The following SRPK2 variants were observed in gnomAD, a reference collection of about 807,000 sequenced individuals.
SRPK2 encodes SFRS protein kinase 2.
Under a neutral mutation model 90.8 loss-of-function variants are expected in SRPK2, and 21 were observed. The ratio of observed to expected loss-of-function variants is 0.23; its 90% confidence interval spans 0.16 to 0.33. The LOEUF is 0.33. SRPK2 is among the 10% of genes least tolerant of loss of function. SRPK2 has a pLI of 1.00. For missense variants in SRPK2, 620 were observed against 869.0 expected (o/e 0.71, Z 3.60); for synonymous variants, 288 against 311.1 (o/e 0.93, Z 0.78).
chr7:105,182,091 C>T (rs913909300), intron 3 of SRPK2, among the ~76,000 whole-genome samples: 32 of 151,382 alleles, frequency 2.1e-4, no homozygotes, highest in Admixed American at 9.9e-4. Context: ...ATTAGCCAAG[C>T]GTGGTGGCAG....
In SRPK2 at chr7:105,187,449, A is replaced by G. The variant is rs140735740; in HGVS notation, c.229+16179T>C. Among the ~76,000 whole-genome samples the G allele has an allele frequency of 7.1e-3, 1,074 of 152,292 alleles. 9 individuals carry two copies. The highest frequency in any genetic ancestry group is 0.017 in the Middle Eastern group (5 of 294). The stretch of plus-strand genomic sequence containing the variant: ...CCGAATAATCTGCTATGCTTTGCTA[A>G]TATATCCTCACCTTGACATCTGCCT... On this transcript the variant is annotated intron_variant, in intron 3 of 15. Coordinates refer to ENST00000393651, the MANE Select transcript of SRPK2 (RefSeq NM_182692.3).
intron 6 of SRPK2, among the ~76,000 whole-genome samples, chr7:105,163,318 C>A (rs973569303): frequency 6.6e-6 from 1 of 152,050 alleles, no homozygotes; most frequent in Admixed American, 6.5e-5. Context: ...TAACAAACAT[C>A]AAATTTATGA....
chr7:105,133,006 C>T lies in SRPK2; in HGVS notation c.1642G>A (p.Val548Met), dbSNP rs185057577. ...TTTAGAAAGAAAACTCTACTTACCA[C>T]CCAACAAGCATTTCCCAGGTCAGCA... is the stretch of plus-strand genomic sequence containing the variant. Reference protein sequence around the residue: ...KIADLGNACWVHKHFTEDIQT... With the variant: ...KIADLGNACWMHKHFTEDIQT... Residue 548 changes from valine (V) to methionine (M), a missense_variant and splice_region_variant, in exon 12 of 16, where the codon GTG becomes ATG. This residue lies in a region of SRPK2 where 20 missense variants were observed against 54.3 expected (regional missense o/e 0.37). Transcript: ENST00000393651. The T allele has an allele frequency of 4.3e-6, 7 of 1,614,066 alleles. No homozygotes were observed. The African/African-American group carries it at 9.3e-5, about 22-fold the overall frequency.
At chr7:105,289,282 TAAATAAAAAAA>T (rs1455915368) in intron 2 of SRPK2, among the ~76,000 whole-genome samples, 1 of 150,274 alleles carries the variant, frequency 6.7e-6, no homozygotes. Flanking sequence ...TCAAAAAAAA[TAAATAAAAAAA>T]AAATAAAAAA....
intron 11 of SRPK2, among the ~76,000 whole-genome samples, chr7:105,139,746 T>C (rs1484787132): frequency 6.6e-6 from 1 of 152,226 alleles, no homozygotes; most frequent in African/African-American, 2.4e-5. Context: ...ACCTTTGCCA[T>C]TGACCTGTTT....
At chr7:105,395,678 C>T (rs770400966) in intron 1 of SRPK2, among the ~76,000 whole-genome samples, 66 of 151,828 alleles carry the variant, frequency 4.3e-4, no homozygotes, top group Non-Finnish European at 7.2e-4. Flanking sequence ...TGCAGTGAGC[C>T]GAGATTGCAC....
At chr7:105,166,903 T>G (rs1030846460) in intron 6 of SRPK2, among the ~76,000 whole-genome samples, 2 of 152,202 alleles carry the variant, frequency 1.3e-5, no homozygotes, top group Non-Finnish European at 2.9e-5. Context: ...TATTCAGAAC[T>G]AAGAGCAGTC....
intron 2 of SRPK2, among the ~76,000 whole-genome samples, chr7:105,305,468 TTATTA>T (rs1490560194): frequency 5.9e-5 from 9 of 152,156 alleles, no homozygotes; most frequent in African/African-American, 2.2e-4. Context: ...GCCTACTAGT[TTATTA>T]TAACAGTATA....
chr7:105,264,903 A>G (rs906835552), intron 2 of SRPK2, among the ~76,000 whole-genome samples: 1 of 152,194 alleles, frequency 6.6e-6, no homozygotes, highest in Non-Finnish European at 1.5e-5. Context: ...ACCTAGGCAG[A>G]CTGGGAATCA....
intron 3 of SRPK2, among the ~76,000 whole-genome samples, chr7:105,178,937 CTAA>C (rs999187250): frequency 2.0e-5 from 3 of 151,994 alleles, no homozygotes; most frequent in Non-Finnish European, 2.9e-5. Context: ...AGAAGAAACA[CTAA>C]TAATAATAAT....
intron 2 of SRPK2, among the ~76,000 whole-genome samples, chr7:105,240,682 C>A (rs1800693482): frequency 6.6e-6 from 1 of 152,058 alleles, no homozygotes; most frequent in African/African-American, 2.4e-5. Flanking sequence ...AAACTTTGAA[C>A]CTCACTTGAC....
chr7:105,196,996 G>A (rs986298745), intron 3 of SRPK2, among the ~76,000 whole-genome samples: 1 of 152,084 alleles, frequency 6.6e-6, no homozygotes, highest in East Asian at 1.9e-4. Flanking sequence ...GCAGTGAGTG[G>A]AGATTGCAGC....
chr7:105,244,666 C>G (rs1244637513), intron 2 of SRPK2: 1 of 1,008,560 alleles, frequency 9.9e-7, no homozygotes, highest in African/African-American at 1.6e-5. Flanking sequence ...CTCTGCGCTA[C>G]CCTATGGCCG....
In SRPK2 at chr7:105,327,337, C is replaced by T. The variant is rs1283562149; in HGVS notation, c.71+61311G>A. Among the ~76,000 whole-genome samples, 3 of 152,316 alleles carry T rather than the reference C, an allele frequency of 2.0e-5. No individual in the cohort carries two copies. The South Asian group carries it at 6.2e-4, about 32-fold the overall frequency. On this transcript the variant is annotated intron_variant, in intron 2 of 15. Coordinates refer to ENST00000393651, the MANE Select transcript of SRPK2 (RefSeq NM_182692.3). ...AACACAATCATGCTCATTTGTTTATCTATGGTCCATGGCTGCTTCCACACT... is the reference window on the plus strand; with the variant it reads ...AACACAATCATGCTCATTTGTTTATTTATGGTCCATGGCTGCTTCCACACT...
chr7:105,118,978 C>T (rs777220716), intron 15 of SRPK2, among the ~76,000 whole-genome samples: 3 of 152,176 alleles, frequency 2.0e-5, no homozygotes, highest in Non-Finnish European at 4.4e-5. Flanking sequence ...GTGAATAACT[C>T]GTTTTCTCTG....
Position 105,397,479 on chromosome 7 carries a change from G to A in SRPK2, n.153+1677C>T, listed in dbSNP as rs543120271. Among the ~76,000 whole-genome samples the A allele has an allele frequency of 8.7e-5, 13 of 150,058 alleles. No individual in the cohort carries two copies. The East Asian group carries it at 2.6e-3, about 30-fold the overall frequency. On this transcript the variant is annotated intron_variant and non_coding_transcript_variant, in intron 1 of 3. Coordinates refer to the SRPK2 transcript ENST00000462282. ...TGAGTAGCGGGGACTATAGGCACAC[G>A]CCACCATGCCCGGGTAATTTTTGTA...
Position 105,203,803 on chromosome 7 carries a change from A to G in SRPK2, c.72-18T>C. 1 of 1,557,826 alleles carries G rather than the reference A, an allele frequency of 6.4e-7. No homozygotes were observed. The highest frequency in any genetic ancestry group is 8.7e-7 in the Non-Finnish European group (1 of 1,150,504). ...GCTCCGGCCTGAAAGAGCAGAGAGAAAATTGCTATTTACTTAGAAGTACAT... is the reference window on the plus strand; with the variant it reads ...GCTCCGGCCTGAAAGAGCAGAGAGAGAATTGCTATTTACTTAGAAGTACAT... On this transcript the variant is annotated intron_variant, in intron 2 of 15. Transcript: ENST00000393651.
At chr7:105,380,853 T>C (rs768445811) in intron 2 of SRPK2, among the ~76,000 whole-genome samples, 1 of 150,538 alleles carries the variant, frequency 6.6e-6, no homozygotes, top group Non-Finnish European at 1.5e-5. Context: ...AAATAATTAG[T>C]GGAGCCACAG....
Position 105,143,433 on chromosome 7 carries a change from T to C in SRPK2, c.814-103A>G, listed in dbSNP as rs556857736. ...AATAGCAATAAACTCTGCTTTCTCA[T>C]GCCATATTCTATTAAAATCCCAAAC... On this transcript the variant is annotated intron_variant, in intron 9 of 15. Transcript: ENST00000393651. The C allele has an allele frequency of 5.0e-6, 7 of 1,398,650 alleles. No individual in the cohort carries two copies. In the African/African-American group the frequency reaches 5.7e-5, roughly 11 times the overall value. 86.6% of individuals were successfully genotyped at this position (1,398,650 alleles called of 1,614,324 possible).
Sources: gnomAD v4.1 joint callset for allele counts (sites outside exome capture counted in the v4.1 genomes callset) on GRCh38, gnomAD v4.1.1 for gene constraint, gnomAD v4.1.1 regional missense constraint, MANE v1.5 for transcripts, NCBI Gene and HGNC (gene_info 2026-07-23, HGNC 2026-07-21) for gene names.